The following ANKDD1A variants were observed in gnomAD, a reference collection of about 807,000 sequenced individuals.
ANKDD1A encodes the protein ankyrin repeat and death domain containing 1A.
In ANKDD1A, 59 loss-of-function variants were observed where a neutral mutation model predicts 63.5. The observed-to-expected ratio is 0.93, with a 90% CI of 0.75 to 1.15. The LOEUF (loss-of-function observed/expected upper bound fraction) is 1.15. ANKDD1A is among the 50% of genes most tolerant of loss of function. The pLI is 0.00. For missense variants in ANKDD1A, 632 were observed against 656.4 expected (o/e 0.96, Z 0.41); for synonymous variants, 266 against 263.9 (o/e 1.01, Z -0.08).
intron 1 of ANKDD1A, among the ~76,000 whole-genome samples, chr15:64,914,871 A>G (rs769858189): frequency 3.9e-4 from 59 of 152,120 alleles, no homozygotes; most frequent in Non-Finnish European, 8.5e-4. Context: ...GGGAGCTCTG[A>G]GGTTCCCTTT....
chr15:64,919,088 T>A (rs1401910085), intron 3 of ANKDD1A, among the ~76,000 whole-genome samples: 2 of 152,086 alleles, frequency 1.3e-5, no homozygotes, highest in Admixed American at 6.5e-5. Context: ...AATCCTGTGG[T>A]TGGAGGAAAG....
rs977361650 is a variant in ANKDD1A at position 64,930,719 on chromosome 15, G to T, written c.571-103G>T. On this transcript the variant is annotated intron_variant, in intron 6 of 14. Transcript: ENST00000319580. Reference sequence around the variant, plus strand: ...ATAGTTTTTGGCCCAGTTGTCAGGAGCAGGGTGGCACTGACCCAGTGTGCA... The same window carrying T: ...ATAGTTTTTGGCCCAGTTGTCAGGATCAGGGTGGCACTGACCCAGTGTGCA... The T allele has an allele frequency of 1.2e-5, 13 of 1,119,918 alleles. No homozygotes were observed. In the East Asian group the frequency reaches 1.3e-4, roughly 11 times the overall value. 69.4% of individuals were successfully genotyped at this position (1,119,918 alleles called of 1,614,324 possible).
In ANKDD1A at chr15:64,915,879, T is replaced by TA. The variant is rs1197712132; in HGVS notation, c.119dup (p.Asn40LysfsTer81). 2 of 1,613,706 alleles carry TA rather than the reference T, an allele frequency of 1.2e-6. No individual in the cohort carries two copies. The highest frequency in any genetic ancestry group is 2.2e-5 in the South Asian group (2 of 91,036). The stretch of plus-strand genomic sequence containing the variant: ...TGCAGGAGCTGATTGGGAGGAGGGT[T>TA]AACACCAGGGCCAGAAACCACGTGC... On this transcript the variant is annotated frameshift_variant, in exon 2 of 15. Transcript: ENST00000319580. LOFTEE classifies it high-confidence loss of function.
chr15:64,935,948 A>G (rs2085128531), intron 9 of ANKDD1A, among the ~76,000 whole-genome samples: 1 of 152,194 alleles, frequency 6.6e-6, no homozygotes. Flanking sequence ...TTTAAAAACA[A>G]GAGGCTTTGG....
intron 14 of ANKDD1A, among the ~76,000 whole-genome samples, chr15:64,956,528 G>A (rs945141651): frequency 6.6e-6 from 1 of 150,736 alleles, no homozygotes; most frequent in Non-Finnish European, 1.5e-5. Context: ...ACTCCAGCCT[G>A]GGCGACAGAG....
intron 4 of ANKDD1A, chr15:64,922,496 C>G (rs1352091265): frequency 1.3e-5 from 2 of 152,722 alleles, no homozygotes; most frequent in Admixed American, 6.5e-5. Context: ...TGTCAGTGGC[C>G]CATAGGAAAA....
chr15:64,934,188 C>G lies in ANKDD1A; in HGVS notation c.821C>G (p.Ser274Cys), dbSNP rs570001417. Residue 274 changes from serine to cysteine, a missense_variant, in exon 9 of 15, where the codon TCT becomes TGT. Ser to Cys is a moderately radical substitution (Grantham distance 112). Coordinates refer to ENST00000319580, the MANE Select transcript of ANKDD1A (RefSeq NM_182703.6). ...YAALSGSEDV[S>C]RVLIHAGGCA... The stretch of plus-strand genomic sequence containing the variant: ...GCCCTCAGTGGCTCGGAGGATGTGT[C>G]TCGGGTCCTCATCCACGCAGGAGGC... The G allele has an allele frequency of 1.8e-5, 29 of 1,612,458 alleles. No homozygotes were observed. The South Asian group carries it at 3.1e-4, about 17-fold the overall frequency.
chr15:64,936,258 T>C (rs2085131291), intron 9 of ANKDD1A, among the ~76,000 whole-genome samples: 1 of 152,104 alleles, frequency 6.6e-6, no homozygotes, highest in Non-Finnish European at 1.5e-5. Context: ...CCCTCCCATT[T>C]TCCCCCATGT....
At position 64,953,745 on chromosome 15, in the gene ANKDD1A, C is replaced by T. The variant is rs1158984454; in HGVS notation, c.1484-3358C>T. On this transcript the variant is annotated intron_variant, in intron 14 of 14. Coordinates refer to ENST00000319580, the MANE Select transcript of ANKDD1A (RefSeq NM_182703.6). ...CTCCTTCTTCTCCTCCTTCTTCTTT[C>T]CTCTTTTCTTCGTTCTTCTTCCTCT... Among the ~76,000 whole-genome samples, 274 of 136,536 alleles carry T rather than the reference C, an allele frequency of 2.0e-3. 1 individual carries two copies. Among genetic ancestry groups the T allele is most frequent in the Admixed American group, 4.5e-3 (57 of 12,728 alleles). The allele number at this position is 136,536 out of a possible 152,430, so 89.6% of individuals were successfully genotyped here.
intron 10 of ANKDD1A, 164 bp from the exon 11 acceptor site, chr15:64,943,320 A>T: frequency 3.0e-6 from 2 of 657,690 alleles, no homozygotes; most frequent in Admixed American, 2.4e-5. Flanking sequence ...TGTAAAATGT[A>T]CATATAAGAT....
intron 14 of ANKDD1A, among the ~76,000 whole-genome samples, chr15:64,952,972 C>CTTCTTCTT (rs1555397728): frequency 1.6e-4 from 2 of 12,686 alleles, no homozygotes; most frequent in South Asian, 4.4e-3. Context: ...TTCTTCTTTT[C>CTTCTTCTT]TTCTTGTCTC....
chr15:64,918,179 A>G (rs973231218), intron 3 of ANKDD1A, among the ~76,000 whole-genome samples: 1 of 152,224 alleles, frequency 6.6e-6, no homozygotes, highest in Admixed American at 6.5e-5. Flanking sequence ...CCTGGATGAC[A>G]CGGCGAAACT....
chr15:64,924,944 G>A (rs1193062443), intron 4 of ANKDD1A, among the ~76,000 whole-genome samples: 4 of 152,000 alleles, frequency 2.6e-5, no homozygotes, highest in Non-Finnish European at 5.9e-5. Flanking sequence ...TACACACACT[G>A]GGCCGGGCGT....
intron 14 of ANKDD1A, among the ~76,000 whole-genome samples, chr15:64,956,345 C>G (rs11637896): frequency 3.3e-5 from 5 of 151,030 alleles, no homozygotes; most frequent in South Asian, 2.1e-4. Context: ...GTCAGGAGAT[C>G]GAGACCATCC....
intron 12 of ANKDD1A, 50 bp from the exon 13 acceptor site, chr15:64,947,354 G>A: frequency 6.3e-7 from 1 of 1,583,652 alleles, no homozygotes; most frequent in Non-Finnish European, 8.6e-7. Flanking sequence ...CACTGCCCCT[G>A]TCTGGGATCA....
Position 64,921,958 on chromosome 15 carries a change from G to A in ANKDD1A, c.305G>A (p.Gly102Asp), listed in dbSNP as rs778701569. 2 of 1,613,996 alleles carry A rather than the reference G, an allele frequency of 1.2e-6. No homozygotes were observed. The highest frequency in any genetic ancestry group is 1.7e-6 in the Non-Finnish European group (2 of 1,180,012). ...GCGCTTCTCCTGTCTGCCTGGTTCG[G>A]CCACTTACGAATCCTCCAGATCTTG... Reference protein sequence around the residue: ...MNALLLSAWFGHLRILQILVN... With the variant: ...MNALLLSAWFDHLRILQILVN... Residue 102 changes from glycine (G) to aspartate (D), a missense_variant, in exon 4 of 15, where the codon GGC becomes GAC. Coordinates refer to ENST00000319580, the MANE Select transcript of ANKDD1A (RefSeq NM_182703.6).
At chr15:64,933,709 G>A (rs1319076640) in intron 8 of ANKDD1A, among the ~76,000 whole-genome samples, 1 of 152,148 alleles carries the variant, frequency 6.6e-6, no homozygotes, top group African/African-American at 2.4e-5. Context: ...GGGCGTAGTG[G>A]CAGGCACCTG....
chr15:64,934,574 A>G, intron 9 of ANKDD1A, among the ~76,000 whole-genome samples: 1 of 138,106 alleles, frequency 7.2e-6, no homozygotes, highest in Non-Finnish European at 1.5e-5. Context: ...ATCTCGGCTC[A>G]CTGCAGCCTC....
intron 9 of ANKDD1A, 123 bp downstream of exon 9, chr15:64,934,357 G>T: frequency 1.3e-6 from 1 of 785,932 alleles, no homozygotes; most frequent in Non-Finnish European, 2.0e-6. Context: ...CCAGGAGTAG[G>T]GGAGCCGGCA....
Sources: allele counts gnomAD v4.1 joint callset (sites outside exome capture counted in the v4.1 genomes callset), GRCh38; gene constraint gnomAD v4.1.1; transcripts MANE v1.5; gene names NCBI Gene and HGNC (gene_info 2026-07-23, HGNC 2026-07-21).